The following REDIC1 variants were observed in gnomAD, a reference collection of about 807,000 sequenced individuals.
REDIC1 encodes the protein regulator of DNA class I crossover intermediates 1.
chr12:39,788,367 A>C, the REDIC1 span, among the ~76,000 whole-genome samples: 50 of 152,288 alleles, frequency 3.3e-4, no homozygotes, highest in African/African-American at 1.2e-3. Flanking sequence ...AACACAGTGC[A>C]ATAGTGCAAC....
chr12:39,735,450 T>G, the REDIC1 span, among the ~76,000 whole-genome samples: 1 of 152,186 alleles, frequency 6.6e-6, no homozygotes, highest in African/African-American at 2.4e-5. Flanking sequence ...AGGAGAATGT[T>G]GATGATGACA....
At chr12:39,889,444 C>T in the REDIC1 span, among the ~76,000 whole-genome samples, 1 of 150,870 alleles carries the variant, frequency 6.6e-6, no homozygotes, top group Non-Finnish European at 1.5e-5. Flanking sequence ...CTGCTGTAAA[C>T]TATATGAATA....
chr12:39,694,638 G>A, the REDIC1 span, among the ~76,000 whole-genome samples: 61 of 152,270 alleles, frequency 4.0e-4, no homozygotes, highest in African/African-American at 1.4e-3. Context: ...AAGTGCTCTG[G>A]TGCTCTAAGT....
At chr12:39,687,865 C>T in the REDIC1 span, among the ~76,000 whole-genome samples, 1 of 152,134 alleles carries the variant, frequency 6.6e-6, no homozygotes, top group African/African-American at 2.4e-5. Context: ...TTCTAATCTA[C>T]AGGAGCCTGA....
the REDIC1 span, among the ~76,000 whole-genome samples, chr12:39,797,210 C>T: frequency 6.6e-6 from 1 of 152,130 alleles, no homozygotes; most frequent in Non-Finnish European, 1.5e-5. Context: ...TTAAAGTAAG[C>T]ACGCCAACAT....
the REDIC1 span, among the ~76,000 whole-genome samples, chr12:39,895,049 T>C: frequency 6.6e-6 from 1 of 152,024 alleles, no homozygotes; most frequent in Non-Finnish European, 1.5e-5. Flanking sequence ...AACTTTTTGT[T>C]TTTGAGATGG....
chr12:39,650,394 T>C, the REDIC1 span: 1 of 1,565,914 alleles, frequency 6.4e-7, no homozygotes, highest in Non-Finnish European at 8.6e-7. The surrounding 1 kb of genome is among the most constrained non-coding windows in gnomAD (Gnocchi z 4.3). Context: ...AGCTGTAGCA[T>C]TCTGTACTTT....
chr12:39,827,121 A>G, the REDIC1 span, among the ~76,000 whole-genome samples: 2 of 151,768 alleles, frequency 1.3e-5, no homozygotes, highest in Non-Finnish European at 2.9e-5. Context: ...CTGGGTTCTG[A>G]TAATTCCATG....
the REDIC1 span, among the ~76,000 whole-genome samples, chr12:39,831,631 T>C: frequency 1.3e-5 from 2 of 152,056 alleles, no homozygotes; most frequent in African/African-American, 4.8e-5. Context: ...AAGTTGGAGG[T>C]AGGGCCTGGT....
the REDIC1 span, chr12:39,641,006 G>A: frequency 3.1e-6 from 5 of 1,606,892 alleles, no homozygotes; most frequent in Non-Finnish European, 8.5e-7. Flanking sequence ...TAAAGAAAAA[G>A]TGTTTTTATT....
chr12:39,752,890 G>A, the REDIC1 span, among the ~76,000 whole-genome samples: 1 of 152,174 alleles, frequency 6.6e-6, no homozygotes. Flanking sequence ...TCTATGCAGT[G>A]GTTTCTAAAC....
chr12:39,784,737 A>G, the REDIC1 span, among the ~76,000 whole-genome samples: 10 of 152,220 alleles, frequency 6.6e-5, no homozygotes, highest in Non-Finnish European at 1.0e-4. Context: ...GATCTAATTA[A>G]ACTAAAGAGC....
the REDIC1 span, among the ~76,000 whole-genome samples, chr12:39,848,825 GGA>G: frequency 6.6e-6 from 1 of 152,182 alleles, no homozygotes; most frequent in Middle Eastern, 3.4e-3. Context: ...TATACACCAG[GGA>G]ATATTATGCA....
the REDIC1 span, among the ~76,000 whole-genome samples, chr12:39,835,485 G>C: frequency 6.6e-6 from 1 of 152,114 alleles, no homozygotes; most frequent in East Asian, 1.9e-4. Flanking sequence ...TTTACATAAG[G>C]ACTATGCTTT....
chr12:39,819,464 A>T, the REDIC1 span, among the ~76,000 whole-genome samples: 1 of 152,112 alleles, frequency 6.6e-6, no homozygotes, highest in East Asian at 1.9e-4. Context: ...ACAAACTTTT[A>T]TTTATCAAGC....
At chr12:39,633,322 A>G in the REDIC1 span, among the ~76,000 whole-genome samples, 1 of 152,164 alleles carries the variant, frequency 6.6e-6, no homozygotes, top group Non-Finnish European at 1.5e-5. Flanking sequence ...TCACATGGTT[A>G]GGGATCATCA....
chr12:39,899,721 C>T, the REDIC1 span, among the ~76,000 whole-genome samples: 3 of 151,968 alleles, frequency 2.0e-5, no homozygotes, highest in Non-Finnish European at 4.4e-5. Context: ...TTTATTTCTG[C>T]CTTCATTTAT....
chr12:39,734,475 T>C, the REDIC1 span, among the ~76,000 whole-genome samples: 1 of 152,336 alleles, frequency 6.6e-6, no homozygotes, highest in South Asian at 2.1e-4. Context: ...ACAAAAATTT[T>C]CTCCTGCTTT....
At chr12:39,715,371 A>G in the REDIC1 span, among the ~76,000 whole-genome samples, 211 of 151,996 alleles carry the variant, frequency 1.4e-3, no homozygotes, top group Middle Eastern at 3.4e-3. Context: ...AGTTGGCTGT[A>G]AATATTTGGG....
Sources: allele counts gnomAD v4.1 joint callset (sites outside exome capture counted in the v4.1 genomes callset), GRCh38; gene constraint gnomAD v4.1.1; non-coding constraint Gnocchi (gnomAD v3.1); transcripts MANE v1.5; gene names NCBI Gene and HGNC (gene_info 2026-07-23, HGNC 2026-07-21).